Variants in C15orf39 observed in about 807,000 individuals in gnomAD.
C15orf39 encodes the protein uncharacterized protein C15orf39.
Under a neutral mutation model 53.9 loss-of-function variants are expected in C15orf39, and 24 were observed. The observed-to-expected ratio is 0.45, with a 90% CI of 0.32 to 0.63. The LOEUF (loss-of-function observed/expected upper bound fraction) is 0.63. C15orf39 is among the 20% of genes least tolerant of loss of function. C15orf39 has a pLI of 0.04. For missense variants in C15orf39, 1,271 were observed against 1,347.9 expected, an observed-to-expected ratio of 0.94 and a Z score of 0.89; for synonymous variants, 569 against 576.5, an observed-to-expected ratio of 0.99 and a Z score of 0.19.
At chr15:75,210,238 G>C (rs1446964530) in intron 2 of C15orf39, among the ~76,000 whole-genome samples, 1 of 152,152 alleles carries the variant, frequency 6.6e-6, no homozygotes, top group Middle Eastern at 3.2e-3. Flanking sequence ...CCACCTTGGG[G>C]GCCGTTTTTC....
Position 75,208,241 on chromosome 15 carries a change from A to G in C15orf39, c.2193A>G (p.Arg731=). 2 of 1,608,328 alleles carry G rather than the reference A, an allele frequency of 1.2e-6. No homozygotes were observed. The highest frequency in any genetic ancestry group is 1.7e-6 in the Non-Finnish European group (2 of 1,177,450). ...PAPAPSPAPA[R]AQAPASARDP... ...CAGCTCCATCCCCTGCTCCGGCTCG[A>G]GCTCAGGCTCCAGCTTCAGCCCGGG... is the stretch of plus-strand genomic sequence containing the variant. The change falls in exon 2 of 3, where the codon CGA becomes CGG. Residue 731 remains arginine, a synonymous_variant. Transcript: ENST00000394987.
In C15orf39 at chr15:75,208,527, C is replaced by A. The variant is rs149317889; in HGVS notation, c.2479C>A (p.Arg827Ser). 1,452 of 1,577,700 alleles carry A rather than the reference C, an allele frequency of 9.2e-4. 3 individuals carry two copies. The highest frequency in any genetic ancestry group is 1.6e-3 in the Admixed American group (87 of 54,910). Residue 827 changes from arginine to serine, a missense_variant, in exon 2 of 3, where the codon CGC (arginine) becomes AGC (serine). Transcript: ENST00000394987. Reference protein sequence around the residue: ...KLLSQLQRFDRTHRCPFPHVV... With the variant: ...KLLSQLQRFDSTHRCPFPHVV... ...GCTGTCTCAGCTGCAGCGCTTCGAT[C>A]GCACCCACCGGTGCCCCTTCCCCCA...
intron 2 of C15orf39, among the ~76,000 whole-genome samples, chr15:75,210,293 G>GT (rs2070474046): frequency 6.6e-6 from 1 of 152,174 alleles, no homozygotes; most frequent in Non-Finnish European, 1.5e-5. Flanking sequence ...TTTGTTGTGG[G>GT]TGGGTTCCTG....
chr15:75,210,101 G>A (rs1029809112), intron 2 of C15orf39, among the ~76,000 whole-genome samples: 2 of 152,206 alleles, frequency 1.3e-5, no homozygotes, highest in South Asian at 2.1e-4. Flanking sequence ...AGTGGAGTCT[G>A]GGCACTCCAC....
chr15:75,210,667 C>A, intron 2 of C15orf39, 82 bp from the exon 3 acceptor site: 1 of 1,509,520 alleles, frequency 6.6e-7, no homozygotes, highest in Non-Finnish European at 8.8e-7. Flanking sequence ...AGAGCAGAAG[C>A]ACTGTTTGGA....
chr15:75,201,159 C>A (rs997507513), upstream of C15orf39, among the ~76,000 whole-genome samples: 1 of 152,050 alleles, frequency 6.6e-6, no homozygotes, highest in Non-Finnish European at 1.5e-5. The surrounding 1 kb of genome is among the most constrained non-coding windows in gnomAD (Gnocchi z 4.7). Context: ...TCAGATGGTC[C>A]AGGGAGAGGC....
At position 75,207,003 on chromosome 15, in the gene C15orf39, G is replaced by A. The variant is rs774176072; in HGVS notation, c.955G>A (p.Gly319Arg). 5 of 1,600,526 alleles carry A rather than the reference G, an allele frequency of 3.1e-6. No individual in the cohort carries two copies. The highest frequency in any genetic ancestry group is 1.1e-5 in the South Asian group (1 of 88,986). The change falls in exon 2 of 3, where the codon GGG becomes AGG. Residue 319 changes from glycine to arginine, a missense_variant. Coordinates refer to ENST00000394987, the MANE Select transcript of C15orf39 (RefSeq NM_015492.5). ...GHKGTGYQAG[G>R]LGSPYLRQQA... Reference sequence around the variant, plus strand: ...CAAGGGGACCGGGTACCAGGCTGGTGGGCTGGGCAGCCCCTACCTGAGGCA... The same window carrying A: ...CAAGGGGACCGGGTACCAGGCTGGTAGGCTGGGCAGCCCCTACCTGAGGCA...
Position 75,207,836 on chromosome 15 carries a change from T to C in C15orf39, c.1788T>C (p.His596=), listed in dbSNP as rs755385297. The part of the protein sequence containing the change: ...SPVKASRSVE[H]AKPTAAMDVP... ...TCAAGGCTTCCCGTTCTGTGGAGCA[T>C]GCCAAGCCTACTGCAGCCATGGATG... Residue 596 remains histidine (H), a synonymous_variant, in exon 2 of 3, where the codon CAT becomes CAC. Coordinates refer to ENST00000394987, the MANE Select transcript of C15orf39 (RefSeq NM_015492.5). The C allele has an allele frequency of 1.2e-6, 2 of 1,613,006 alleles. No homozygotes were observed. Among genetic ancestry groups the C allele is most frequent in the African/African-American group, 2.7e-5 (2 of 74,924 alleles).
chr15:75,203,743 G>T (rs77764593), intron 1 of C15orf39, among the ~76,000 whole-genome samples: 2,464 of 152,284 alleles, frequency 0.016, 70 homozygotes, highest in African/African-American at 0.056. Context: ...AGAAGCATGT[G>T]GGGGAGGTGA....
chr15:75,207,753 A>G lies in C15orf39; in HGVS notation c.1705A>G (p.Lys569Glu), dbSNP rs755297337. Reference sequence around the variant, plus strand: ...GAGTAAACCCCTAAGGGGCTCACTTAAGGAGGAGGTAGCCCTGGATTTGAG... The same window carrying G: ...GAGTAAACCCCTAAGGGGCTCACTTGAGGAGGAGGTAGCCCTGGATTTGAG... ...SGSKPLRGSL[K>E]EEVALDLSVR... is the part of the protein sequence containing the mutation. Residue 569 changes from lysine (K) to glutamate (E), a missense_variant, in exon 2 of 3, where the codon AAG (lysine) becomes GAG (glutamate). Transcript: ENST00000394987. 4 of 1,609,236 alleles carry G rather than the reference A, an allele frequency of 2.5e-6. No homozygotes were observed. The highest frequency in any genetic ancestry group is 1.7e-5 in the Admixed American group (1 of 59,560).
Position 75,206,893 on chromosome 15 carries a change from C to A in C15orf39, c.845C>A (p.Ala282Asp). The change falls in exon 2 of 3, where the codon GCC becomes GAC. Residue 282 changes from alanine (A) to aspartate (D), a missense_variant. Transcript: ENST00000394987. ...PHHPPPHPPQ[A>D]LPCPPACRHP... ...CACCCACCACCCCACCCTCCACAGG[C>A]CCTGCCTTGCCCTCCAGCCTGTCGC... is the stretch of plus-strand genomic sequence containing the variant. The A allele has an allele frequency of 1.3e-6, 2 of 1,482,156 alleles. No homozygotes were observed. The highest frequency in any genetic ancestry group is 1.8e-6 in the Non-Finnish European group (2 of 1,118,770). 91.8% of individuals were successfully genotyped at this position (1,482,156 alleles called of 1,614,324 possible). A position where few individuals can be genotyped will look rare whatever the true frequency, so the allele number is the denominator to read the frequency against.
chr15:75,207,344 T>C lies in C15orf39; in HGVS notation c.1296T>C (p.Pro432=). Residue 432 remains proline (P), a synonymous_variant, in exon 2 of 3, where the codon CCT becomes CCC. Coordinates refer to ENST00000394987, the MANE Select transcript of C15orf39 (RefSeq NM_015492.5). The part of the protein sequence containing the change: ...ASQPCSEPVR[P]AQEAEEKTWL... ...AGCCCTGCTCAGAGCCTGTGAGGCC[T>C]GCACAGGAAGCCGAAGAGAAGACCT... The C allele has an allele frequency of 6.2e-7, 1 of 1,613,372 alleles. No homozygotes were observed. Among genetic ancestry groups the C allele is most frequent in the Non-Finnish European group, 8.5e-7 (1 of 1,180,010 alleles).
chr15:75,210,948 T>C lies in C15orf39; in HGVS notation c.2976T>C (p.Ala992=). ...CCTGTGGTGCCTCCCCTACCCCTGC[T>C]ACCAGTGCCAGCCCACCTGGCCCCA... ...EESCGASPTP[A]TSASPPGPTL... is the part of the protein sequence containing the mutation. The change falls in exon 3 of 3, where the codon GCT becomes GCC. Residue 992 remains alanine, a synonymous_variant. Transcript: ENST00000394987. 1.9e-6 allele frequency: 3 copies of C among 1,613,392 alleles called. No individual in the cohort carries two copies. The highest frequency in any genetic ancestry group is 2.5e-6 in the Non-Finnish European group (3 of 1,179,978).
chr15:75,208,550 C>T lies in C15orf39; in HGVS notation c.2502C>T (p.Pro834=), dbSNP rs139413555. 5 of 1,573,794 alleles carry T rather than the reference C, an allele frequency of 3.2e-6. No individual in the cohort carries two copies. In the South Asian group the frequency reaches 3.5e-5, roughly 11 times the overall value. The change falls in exon 2 of 3, where the codon CCC becomes CCT. Residue 834 remains proline (P), a synonymous_variant. Transcript: ENST00000394987. ...RFDRTHRCPF[P]HVVRAGAIFV... ...ATCGCACCCACCGGTGCCCCTTCCC[C>T]CATGTGGTGCGAGCTGGCGCCATCT...
chr15:75,201,775 C>A (rs955829958), upstream of C15orf39: 3 of 152,102 alleles, frequency 2.0e-5, no homozygotes, highest in African/African-American at 7.2e-5. The surrounding 1 kb of genome is among the most constrained non-coding windows in gnomAD (Gnocchi z 4.7). Context: ...CCTCCGCACC[C>A]GCTGCCCACA....
Position 75,206,005 on chromosome 15 carries a change from A to G in C15orf39, c.-44A>G, listed in dbSNP as rs1354258697. The G allele has an allele frequency of 6.7e-7, 1 of 1,492,906 alleles. No homozygotes were observed. Among genetic ancestry groups the G allele is most frequent in the Admixed American group, 2.3e-5 (1 of 42,704 alleles). The allele number at this position is 1,492,906 out of a possible 1,614,324, so 92.5% of individuals were successfully genotyped here. ...CTTTCTCTCTCTATCCCAGGTCAGA[A>G]GTTGAGTAGCAGGGGCCTAGGAGGG... On this transcript the variant is annotated 5_prime_UTR_variant, in exon 2 of 3. Transcript: ENST00000394987.
chr15:75,206,434 C>T lies in C15orf39; in HGVS notation c.386C>T (p.Ala129Val), dbSNP rs748176135. 4 of 1,613,890 alleles carry T rather than the reference C, an allele frequency of 2.5e-6. No homozygotes were observed. The highest frequency in any genetic ancestry group is 1.3e-5 in the African/African-American group (1 of 74,924). The change falls in exon 2 of 3, where the codon GCA becomes GTA. Residue 129 changes from alanine (A) to valine (V), a missense_variant. Ala to Val is a moderately conservative substitution (Grantham distance 64). Transcript: ENST00000394987. ...AHSYPGPPLA[A>V]PKPVYRNPLC... ...TCCTACCCAGGCCCACCACTGGCAG[C>T]ACCCAAACCTGTCTACCGCAACCCT...
chr15:75,208,445 C>G lies in C15orf39; in HGVS notation c.2397C>G (p.Pro799=). Residue 799 remains proline (P), a synonymous_variant, in exon 2 of 3, where the codon CCC becomes CCG. Transcript: ENST00000394987. ...GCGAGTGGCTAGAGACGGCTGGGCCCTGGGGCCAGGCTGCGTGGCAGGACT... is the reference window on the plus strand; with the variant it reads ...GCGAGTGGCTAGAGACGGCTGGGCCGTGGGGCCAGGCTGCGTGGCAGGACT... ...KLREWLETAG[P]WGQAAWQDCQ... 2.5e-6 allele frequency: 4 copies of G among 1,604,898 alleles called. No homozygotes were observed. The highest frequency in any genetic ancestry group is 3.4e-6 in the Non-Finnish European group (4 of 1,178,526).
rs1245193162 is a variant in C15orf39 at position 75,208,623 on chromosome 15, C to T, written c.2575C>T (p.Pro859Ser). 113 of 1,593,686 alleles carry T rather than the reference C, an allele frequency of 7.1e-5. No homozygotes were observed. The highest frequency in any genetic ancestry group is 9.4e-5 in the Non-Finnish European group (110 of 1,171,330). The change falls in exon 2 of 3, where the codon CCC becomes TCC. Residue 859 changes from proline to serine, a missense_variant. Pro to Ser is a moderately conservative substitution (Grantham distance 74, BLOSUM62 -1). Coordinates refer to ENST00000394987, the MANE Select transcript of C15orf39 (RefSeq NM_015492.5). ...VKERLFPRLPPASVDHVLQEH... is the reference protein window; with the variant it reads ...VKERLFPRLPSASVDHVLQEH... ...GGAGCGGCTCTTCCCTCGGCTGCCA[C>T]CCGCTTCTGTGGACCATGTGCTGCA...
Sources: allele counts gnomAD v4.1 joint callset (sites outside exome capture counted in the v4.1 genomes callset), GRCh38; gene constraint gnomAD v4.1.1; non-coding constraint Gnocchi (gnomAD v3.1); transcripts MANE v1.5; gene names NCBI Gene and HGNC (gene_info 2026-07-23, HGNC 2026-07-21).